VAV3: variants seen among roughly 807,000 people sequenced by gnomAD.
The protein encoded by VAV3 is guanine nucleotide exchange factor VAV3.
Under a neutral mutation model 131.2 loss-of-function variants are expected in VAV3, and 94 were observed. The ratio of observed to expected loss-of-function variants is 0.72; its 90% CI spans 0.61 to 0.85. The LOEUF is 0.85. Ranked by LOEUF, VAV3 falls within the 40% of genes least tolerant of loss-of-function variation. The probability of loss-of-function intolerance (pLI) is 0.00; values close to 1 mark genes in which losing one functional copy is unlikely to be tolerated. For missense variants in VAV3, 939 were observed against 1,002.7 expected (o/e 0.94, Z 0.86); for synonymous variants, 349 against 342.0 (o/e 1.02, Z -0.22).
intron 15 of VAV3, among the ~76,000 whole-genome samples, chr1:107,737,343 A>G (rs1662714877): frequency 6.6e-6 from 1 of 152,360 alleles, no homozygotes; most frequent in African/African-American, 2.4e-5. Flanking sequence ...ACAAAAGCCA[A>G]AATTGACAAA....
Position 107,574,169 on chromosome 1 carries a change from T to C in VAV3, c.2380A>G (p.Ile794Val), listed in dbSNP as rs774235876. The change falls in exon 26 of 27, where the codon ATC becomes GTC. Residue 794 changes from isoleucine (I) to valine (V), a missense_variant. Ile to Val is a conservative substitution (Grantham distance 29). Transcript: ENST00000370056. ...CTTGCACAGAAGTCATACCGAGCGA[T>C]GGCAATGCCCAGCACTTTTGGACTT... ...LLSPKVLGIA[I>V]ARYDFCARDM... The C allele has an allele frequency of 1.9e-6, 3 of 1,613,984 alleles. No homozygotes were observed. The highest frequency in any genetic ancestry group is 2.2e-5 in the East Asian group (1 of 44,890).
At chr1:107,576,834 T>C (rs1558061038) in intron 25 of VAV3, among the ~76,000 whole-genome samples, 1 of 152,140 alleles carries the variant, frequency 6.6e-6, no homozygotes, top group South Asian at 2.1e-4. Context: ...AAAACTATTA[T>C]AAAGAAAAGC....
At chr1:107,764,075 GAA>G (rs11346427) in intron 9 of VAV3, among the ~76,000 whole-genome samples, 9 of 138,242 alleles carry the variant, frequency 6.5e-5, no homozygotes, top group East Asian at 4.1e-4. Flanking sequence ...TCCTCTTCAG[GAA>G]AAAAAAAAAC....
chr1:107,807,341 T>A (rs1667105585), intron 2 of VAV3, among the ~76,000 whole-genome samples: 1 of 152,224 alleles, frequency 6.6e-6, no homozygotes, highest in African/African-American at 2.4e-5. Flanking sequence ...CCAACTCTGC[T>A]GCTTCTCCCC....
rs150493658 is a variant in VAV3, at chr1:107,800,736, G to T, written c.322-21244C>A. Among the ~76,000 whole-genome samples, 637 of 152,148 alleles carry T rather than the reference G, an allele frequency of 4.2e-3. 3 individuals are homozygous for T. The highest frequency in any genetic ancestry group is 0.014 in the African/African-American group (585 of 41,524). On this transcript the variant is annotated intron_variant, in intron 2 of 26. Transcript: ENST00000370056. Reference sequence around the variant, plus strand: ...CTGGTTGTTAATCTCTTGTTATATGGATAGTTTGCAAATATTTTTTCTCAT... The same window carrying T: ...CTGGTTGTTAATCTCTTGTTATATGTATAGTTTGCAAATATTTTTTCTCAT...
At chr1:107,632,385 A>G (rs111616725) in intron 20 of VAV3, among the ~76,000 whole-genome samples, 2 of 152,206 alleles carry the variant, frequency 1.3e-5, no homozygotes, top group African/African-American at 4.8e-5. Context: ...AGCCCCACTC[A>G]GGTAATACAT....
intron 17 of VAV3, among the ~76,000 whole-genome samples, chr1:107,694,408 T>C (rs963884595): frequency 1.3e-5 from 2 of 152,174 alleles, no homozygotes; most frequent in Non-Finnish European, 2.9e-5. Flanking sequence ...ATTTTTGTCA[T>C]CAAGCATTCT....
At chr1:107,886,095 G>A (rs1571093375) in intron 1 of VAV3, among the ~76,000 whole-genome samples, 1 of 152,304 alleles carries the variant, frequency 6.6e-6, no homozygotes, top group East Asian at 1.9e-4. Flanking sequence ...AAATTTTGGA[G>A]GAAATGCAGG....
rs1010856010 is a variant in VAV3 at position 107,770,661 on chromosome 1, G to A, written c.623C>T (p.Thr208Ile). The change falls in exon 6 of 27, where the codon ACA becomes ATA. Residue 208 changes from threonine to isoleucine, a missense_variant. By Grantham distance (89) the Thr-to-Ile change is moderately conservative. Transcript: ENST00000370056. ...AEIKQTEEKY[T>I]ETLESIEKYF... Reference sequence around the variant, plus strand: ...CTTTTCTATTGACTCCAAAGTTTCTGTATATTTTTCTTCTGTCTGCTTAAT... The same window carrying A: ...CTTTTCTATTGACTCCAAAGTTTCTATATATTTTTCTTCTGTCTGCTTAAT... 6.2e-7 allele frequency: 1 copy of A among 1,611,368 alleles called. No homozygotes were observed. The highest frequency in any genetic ancestry group is 8.5e-7 in the Non-Finnish European group (1 of 1,178,480).
intron 15 of VAV3, among the ~76,000 whole-genome samples, chr1:107,744,100 A>AG (rs979686900): frequency 6.6e-6 from 1 of 152,212 alleles, no homozygotes; most frequent in African/African-American, 2.4e-5. Context: ...AAGCTCAGGC[A>AG]GGGGCTGCCG....
At chr1:107,902,825 T>G (rs1671928078) in intron 1 of VAV3, among the ~76,000 whole-genome samples, 1 of 152,280 alleles carries the variant, frequency 6.6e-6, no homozygotes, top group Non-Finnish European at 1.5e-5. Context: ...TCTCTTGATA[T>G]AAGGCAACTC....
intron 2 of VAV3, among the ~76,000 whole-genome samples, chr1:107,833,407 A>C (rs1327278259): frequency 6.6e-6 from 1 of 152,234 alleles, no homozygotes; most frequent in Non-Finnish European, 1.5e-5. Flanking sequence ...AGGTTGGTTC[A>C]TAAGGTTTTA....
intron 21 of VAV3, among the ~76,000 whole-genome samples, chr1:107,610,929 A>T (rs1027480877): frequency 6.6e-6 from 1 of 152,162 alleles, no homozygotes; most frequent in African/African-American, 2.4e-5. Flanking sequence ...AACAGTAAAA[A>T]CTATAGTATT....
intron 1 of VAV3, among the ~76,000 whole-genome samples, chr1:107,929,279 C>T (rs1246522860): frequency 4.3e-5 from 4 of 93,678 alleles, no homozygotes; most frequent in South Asian, 9.1e-4. Context: ...CAGAGTGACA[C>T]TCTGTCTCAA....
chr1:107,702,090 G>A (rs996344321), intron 17 of VAV3, among the ~76,000 whole-genome samples: 2 of 152,160 alleles, frequency 1.3e-5, no homozygotes, highest in East Asian at 1.9e-4. Context: ...TGTAATACCT[G>A]AGACTGGGGA....
chr1:107,701,371 C>A (rs1660122311), intron 17 of VAV3, among the ~76,000 whole-genome samples: 1 of 152,100 alleles, frequency 6.6e-6, no homozygotes, highest in Non-Finnish European at 1.5e-5. Context: ...CCCCTTTTCG[C>A]CATGGCTGGA....
At chr1:107,955,432 G>A (rs1674759661) in intron 1 of VAV3, among the ~76,000 whole-genome samples, 3 of 151,690 alleles carry the variant, frequency 2.0e-5, no homozygotes, top group Admixed American at 2.0e-4. Context: ...GACTCCCTGT[G>A]TCCATTTCTA....
intron 20 of VAV3, among the ~76,000 whole-genome samples, chr1:107,627,950 G>A (rs535317517): frequency 6.6e-6 from 1 of 152,230 alleles, no homozygotes; most frequent in East Asian, 1.9e-4. Context: ...CTGAGATAAA[G>A]TAATGAAACC....
chr1:107,657,518 A>G (rs548223788), intron 19 of VAV3, among the ~76,000 whole-genome samples: 2 of 152,196 alleles, frequency 1.3e-5, no homozygotes, highest in Non-Finnish European at 2.9e-5. Flanking sequence ...TATACACAGG[A>G]ACTTAATCCT....
Sources: gnomAD v4.1 joint callset for allele counts (sites outside exome capture counted in the v4.1 genomes callset) on GRCh38, gnomAD v4.1.1 for gene constraint, MANE v1.5 for transcripts, NCBI Gene and HGNC (gene_info 2026-07-23, HGNC 2026-07-21) for gene names.